Variants in SHISA9 observed in about 807,000 individuals in gnomAD.
SHISA9 encodes the protein protein shisa-9.
A neutral mutation model predicts 38.0 loss-of-function variants in SHISA9; 13 were observed. The ratio of observed to expected loss-of-function variants is 0.34; its 90% CI spans 0.22 to 0.54. The LOEUF is 0.54. SHISA9 is among the 20% of genes least tolerant of loss of function. SHISA9 has a pLI of 0.91. For missense variants in SHISA9, 538 were observed against 575.8 expected, an observed-to-expected ratio of 0.93 and a Z score of 0.67; for synonymous variants, 275 against 242.0, an observed-to-expected ratio of 1.14 and a Z score of -1.27.
chr16:13,339,730 G>A, the SHISA9 span, among the ~76,000 whole-genome samples: 2 of 152,128 alleles, frequency 1.3e-5, no homozygotes, highest in Non-Finnish European at 2.9e-5. Flanking sequence ...GCTGAGGTTC[G>A]AGTTAAAGGC....
chr16:13,073,864 C>A (rs927761210), intron 2 of SHISA9, among the ~76,000 whole-genome samples: 2 of 151,996 alleles, frequency 1.3e-5, no homozygotes, highest in African/African-American at 4.8e-5. Flanking sequence ...GGGACAGGTT[C>A]TCCTGCAGCG....
chr16:13,205,905 G>A (rs1036234291), intron 3 of SHISA9, among the ~76,000 whole-genome samples: 1 of 151,730 alleles, frequency 6.6e-6, no homozygotes, highest in African/African-American at 2.4e-5. Flanking sequence ...GAGGTTACAG[G>A]CATGCACCAC....
chr16:13,456,048 C>G, the SHISA9 span, among the ~76,000 whole-genome samples: 1 of 152,194 alleles, frequency 6.6e-6, no homozygotes, highest in Non-Finnish European at 1.5e-5. Context: ...CAAACAAATG[C>G]TGTTCTCCAT....
chr16:13,019,916 TTTCTTTC>T, intron 2 of SHISA9, among the ~76,000 whole-genome samples: 1 of 79,616 alleles, frequency 1.3e-5, no homozygotes, highest in Non-Finnish European at 2.9e-5. Context: ...TCTTTCTTTC[TTTCTTTC>T]TTTCTTTCTT....
intron 2 of SHISA9, among the ~76,000 whole-genome samples, chr16:13,104,878 A>G (rs2073911553): frequency 6.6e-6 from 1 of 152,208 alleles, no homozygotes; most frequent in African/African-American, 2.4e-5. Flanking sequence ...ATTTTTTAAA[A>G]AAGTATGATT....
chr16:13,524,918 C>G, the SHISA9 span, among the ~76,000 whole-genome samples: 21 of 152,082 alleles, frequency 1.4e-4, no homozygotes, highest in African/African-American at 5.1e-4. Flanking sequence ...ACTAAATGCC[C>G]ATAGCACCCT....
At chr16:13,218,944 C>T (rs1313189887) in intron 4 of SHISA9, among the ~76,000 whole-genome samples, 2 of 152,092 alleles carry the variant, frequency 1.3e-5, no homozygotes, top group African/African-American at 4.8e-5. Context: ...TTGCAATTTC[C>T]TGATTTTGGT....
At chr16:13,006,842 C>T (rs1027737787) in intron 2 of SHISA9, among the ~76,000 whole-genome samples, 2 of 152,168 alleles carry the variant, frequency 1.3e-5, no homozygotes, top group African/African-American at 2.4e-5. Flanking sequence ...CCCCGTCCCC[C>T]ACCCTTGGTT....
chr16:12,989,211 G>GTT (rs71147777), intron 2 of SHISA9, among the ~76,000 whole-genome samples: 6 of 151,974 alleles, frequency 3.9e-5, no homozygotes, highest in Non-Finnish European at 7.4e-5. Flanking sequence ...CTTTTAGGCT[G>GTT]TTTTTTTGTT....
chr16:13,330,164 G>A, the SHISA9 span, among the ~76,000 whole-genome samples: 2 of 152,206 alleles, frequency 1.3e-5, no homozygotes, highest in South Asian at 4.1e-4. Context: ...TAGGCAGCAA[G>A]TTCATCGACT....
chr16:12,980,105 G>A lies in SHISA9; in HGVS notation c.691+63290G>A, dbSNP rs115620121. ...CGACTTTTAATCCTGTGCTTTTATA[G>A]ATATAATTTCCCTTTTTATGATCTT... On this transcript the variant is annotated intron_variant, in intron 2 of 4. Coordinates refer to ENST00000558583, the MANE Select transcript of SHISA9 (RefSeq NM_001145204.3). Among the ~76,000 whole-genome samples the A allele has an allele frequency of 5.8e-3, 878 of 152,226 alleles. 5 individuals carry two copies. Among genetic ancestry groups the A allele is most frequent in the African/African-American group, 0.019 (780 of 41,556 alleles).
chr16:12,979,677 T>G (rs934133886), intron 2 of SHISA9, among the ~76,000 whole-genome samples: 2 of 152,194 alleles, frequency 1.3e-5, no homozygotes, highest in Non-Finnish European at 1.5e-5. Flanking sequence ...TCTTTTCTTT[T>G]TTTTCCTCAC....
chr16:13,156,100 C>A (rs2050544443), intron 2 of SHISA9, among the ~76,000 whole-genome samples: 1 of 152,142 alleles, frequency 6.6e-6, no homozygotes, highest in African/African-American at 2.4e-5. Context: ...TCTTTTAATT[C>A]ACTGTTACTG....
the SHISA9 span, among the ~76,000 whole-genome samples, chr16:13,334,233 C>T: frequency 6.6e-6 from 1 of 152,314 alleles, no homozygotes; most frequent in East Asian, 1.9e-4. Context: ...CACATTGCTA[C>T]CACTTCTAAA....
At chr16:12,923,269 C>A (rs1596531173) in intron 2 of SHISA9, among the ~76,000 whole-genome samples, 2 of 152,192 alleles carry the variant, frequency 1.3e-5, no homozygotes, top group South Asian at 4.1e-4. Context: ...GTGGCTCACA[C>A]GTGTAATCCC....
intron 2 of SHISA9, among the ~76,000 whole-genome samples, chr16:13,067,623 G>C (rs972965684): frequency 6.6e-6 from 1 of 152,232 alleles, no homozygotes; most frequent in African/African-American, 2.4e-5. Flanking sequence ...ACCAGCCTGG[G>C]TGACAGAATG....
chr16:13,492,297 T>C, the SHISA9 span, among the ~76,000 whole-genome samples: 286 of 152,276 alleles, frequency 1.9e-3, no homozygotes, highest in African/African-American at 6.4e-3. Flanking sequence ...GAATCACTCC[T>C]GGAATTGGAG....
chr16:13,342,350 C>A, the SHISA9 span, among the ~76,000 whole-genome samples: 2 of 152,018 alleles, frequency 1.3e-5, no homozygotes, highest in African/African-American at 4.8e-5. Flanking sequence ...TGCAGTGGTG[C>A]GATCTTGGTT....
intron 2 of SHISA9, among the ~76,000 whole-genome samples, chr16:12,920,505 G>T (rs207475766): frequency 6.6e-6 from 1 of 152,162 alleles, no homozygotes; most frequent in African/African-American, 2.4e-5. Flanking sequence ...AGTGTCATTG[G>T]ATTGTTTGTA....
Sources: gnomAD v4.1 joint callset for allele counts (sites outside exome capture counted in the v4.1 genomes callset) on GRCh38, gnomAD v4.1.1 for gene constraint, MANE v1.5 for transcripts, NCBI Gene and HGNC (gene_info 2026-07-23, HGNC 2026-07-21) for gene names.